The following STAG1 variants were observed in gnomAD, a reference collection of about 807,000 sequenced individuals.
STAG1 encodes STAG1 cohesin complex component.
Under a neutral mutation model 170.9 loss-of-function variants are expected in STAG1, and 26 were observed. The ratio of observed to expected loss-of-function variants is 0.15; its 90% confidence interval spans 0.11 to 0.21. The LOEUF (loss-of-function observed/expected upper bound fraction) is 0.21, where lower values mean the gene tolerates loss of function less well. Among genes scored for constraint, STAG1 ranks in the 10% least tolerant of loss-of-function variants. The pLI is 1.00. For synonymous variants in STAG1, 514 were observed against 497.7 expected (o/e 1.03, Z -0.44); for missense variants, 964 against 1,509.5 (o/e 0.64, Z 5.99).
intron 6 of STAG1, among the ~76,000 whole-genome samples, chr3:136,527,486 C>A (rs986403473): frequency 1.3e-5 from 2 of 152,136 alleles, no homozygotes; most frequent in African/African-American, 4.8e-5. Context: ...TTCTAGTTAG[C>A]CATTCGTCCA....
At chr3:136,734,774 T>C (rs1019377003) in intron 1 of STAG1, among the ~76,000 whole-genome samples, 3 of 152,188 alleles carry the variant, frequency 2.0e-5, no homozygotes, top group Admixed American at 6.6e-5. Context: ...ACCTACATAT[T>C]TATCAATTTT....
Position 136,451,952 on chromosome 3 carries a change from AT to A in STAG1, c.1428+80del, listed in dbSNP as rs2088954944. The A allele has an allele frequency of 4.4e-6, 4 of 916,352 alleles. No homozygotes were observed. In the East Asian group the frequency reaches 1.1e-4, roughly 25 times the overall value. The allele number at this position is 916,352 out of a possible 1,614,324, so 56.8% of individuals were successfully genotyped here. ...TAAGAAACAGACTTGTTTTTATTTG[AT>A]TGAAAAAAATTAAAATGAATTGACA... On this transcript the variant is annotated intron_variant, in intron 14 of 33. Transcript: ENST00000383202.
At chr3:136,653,431 C>A (rs987382460) in intron 1 of STAG1, among the ~76,000 whole-genome samples, 1 of 152,160 alleles carries the variant, frequency 6.6e-6, no homozygotes, top group Non-Finnish European at 1.5e-5. Context: ...AACTTAATTT[C>A]TCCAAAATTT....
intron 6 of STAG1, among the ~76,000 whole-genome samples, chr3:136,531,462 T>A (rs1364464486): frequency 1.3e-5 from 2 of 149,556 alleles, no homozygotes; most frequent in East Asian, 3.9e-4. Flanking sequence ...CATGCACACG[T>A]CTGTTTATTG....
chr3:136,455,249 A>C (rs1403328140), intron 13 of STAG1, among the ~76,000 whole-genome samples: 1 of 152,206 alleles, frequency 6.6e-6, no homozygotes, highest in Non-Finnish European at 1.5e-5. Context: ...GAAACTATTC[A>C]AACACAAGGA....
At chr3:136,654,005 T>A (rs900427608) in intron 1 of STAG1, among the ~76,000 whole-genome samples, 3 of 152,098 alleles carry the variant, frequency 2.0e-5, no homozygotes, top group African/African-American at 7.2e-5. Flanking sequence ...ATAAAGATGA[T>A]ATATGAAAAA....
chr3:136,466,433 T>C (rs1020782568), intron 12 of STAG1, among the ~76,000 whole-genome samples: 5 of 151,730 alleles, frequency 3.3e-5, no homozygotes, highest in South Asian at 2.1e-4. Flanking sequence ...TGAAATGAAG[T>C]GAGAAGAGAA....
At chr3:136,614,748 T>G (rs556116215) in intron 3 of STAG1, among the ~76,000 whole-genome samples, 9 of 152,182 alleles carry the variant, frequency 5.9e-5, no homozygotes, top group Admixed American at 3.3e-4. Context: ...ATAGGTTAAG[T>G]TGCAGTATGA....
At chr3:136,393,053 T>C (rs1482929001) in intron 22 of STAG1, among the ~76,000 whole-genome samples, 1 of 152,144 alleles carries the variant, frequency 6.6e-6, no homozygotes. Flanking sequence ...CAAATAATGG[T>C]TGGCTGGCTT....
chr3:136,616,018 C>CA (rs780760786), intron 3 of STAG1, among the ~76,000 whole-genome samples: 1 of 151,952 alleles, frequency 6.6e-6, no homozygotes, highest in Non-Finnish European at 1.5e-5. Flanking sequence ...CCTGTAATCC[C>CA]AGCACTTTGG....
intron 4 of STAG1, among the ~76,000 whole-genome samples, chr3:136,577,586 G>C (rs558645976): frequency 6.6e-6 from 1 of 152,136 alleles, no homozygotes; most frequent in East Asian, 1.9e-4. Context: ...AAAGCCCTCT[G>C]ATAACTTTAC....
chr3:136,686,091 G>A (rs1265861042), intron 1 of STAG1, among the ~76,000 whole-genome samples: 1 of 152,134 alleles, frequency 6.6e-6, no homozygotes, highest in Non-Finnish European at 1.5e-5. Flanking sequence ...CAGCTACTAG[G>A]CAAAACTGGC....
chr3:136,542,570 T>G (rs2107727374), intron 5 of STAG1, among the ~76,000 whole-genome samples: 2 of 152,034 alleles, frequency 1.3e-5, no homozygotes, highest in Middle Eastern at 3.4e-3. Flanking sequence ...ATTTACATAC[T>G]CTTTGATCCA....
intron 7 of STAG1, among the ~76,000 whole-genome samples, chr3:136,503,660 A>G (rs904111677): frequency 6.6e-6 from 1 of 152,332 alleles, no homozygotes; most frequent in East Asian, 1.9e-4. Context: ...TCAGTGCTTT[A>G]GAAGAACTGA....
At chr3:136,621,341 T>C (rs779942454) in intron 3 of STAG1, among the ~76,000 whole-genome samples, 1 of 152,144 alleles carries the variant, frequency 6.6e-6, no homozygotes, top group Non-Finnish European at 1.5e-5. Flanking sequence ...TAAGCAAACA[T>C]GTGGGCAATT....
At chr3:136,438,519 C>T (rs1419467623) in intron 15 of STAG1, among the ~76,000 whole-genome samples, 1 of 152,166 alleles carries the variant, frequency 6.6e-6, no homozygotes, top group Non-Finnish European at 1.5e-5. Flanking sequence ...GCTACCGTGC[C>T]TGGTTGCCTT....
At chr3:136,477,651 T>G (rs1288094663) in intron 9 of STAG1, among the ~76,000 whole-genome samples, 1 of 152,182 alleles carries the variant, frequency 6.6e-6, no homozygotes, top group Non-Finnish European at 1.5e-5. Context: ...CTATTTTCAC[T>G]GGGCTAGACA....
chr3:136,434,917 T>C (rs1457437704), intron 15 of STAG1, among the ~76,000 whole-genome samples: 1 of 152,208 alleles, frequency 6.6e-6, no homozygotes, highest in Non-Finnish European at 1.5e-5. Flanking sequence ...GGTCTGTTTA[T>C]TCCCACCAAA....
At chr3:136,653,233 T>C (rs548060024) in intron 1 of STAG1, among the ~76,000 whole-genome samples, 66 of 151,590 alleles carry the variant, frequency 4.4e-4, no homozygotes, top group Non-Finnish European at 8.1e-4. Flanking sequence ...GATCGTGCTG[T>C]TGCACTCCAG....
Sources: gnomAD v4.1 joint callset for allele counts (sites outside exome capture counted in the v4.1 genomes callset) on GRCh38, gnomAD v4.1.1 for gene constraint, MANE v1.5 for transcripts, NCBI Gene and HGNC (gene_info 2026-07-23, HGNC 2026-07-21) for gene names.